Variants in RAB38 observed in about 807,000 individuals in gnomAD.
RAB38 encodes RAB38, member RAS oncogene family.
In RAB38, 15 loss-of-function variants were observed where a neutral mutation model predicts 18.4. The observed-to-expected ratio is 0.82, with a 90% CI of 0.55 to 1.26. The LOEUF (loss-of-function observed/expected upper bound fraction) is 1.26, where lower values mean the gene tolerates loss of function less well. Ranked by LOEUF, RAB38 falls within the 50% of genes most tolerant of loss-of-function variation. The pLI is 0.00. For missense variants in RAB38, 294 were observed against 267.4 expected (o/e 1.10, Z -0.69); for synonymous variants, 101 against 104.4 (o/e 0.97, Z 0.20).
the RAB38 span, among the ~76,000 whole-genome samples, chr11:87,825,165 AT>A: frequency 6.6e-6 from 1 of 152,162 alleles, no homozygotes; most frequent in African/African-American, 2.4e-5. Context: ...CAGTTAAATT[AT>A]ATAGTAAAAT....
At chr11:88,099,700 C>A in the RAB38 span, among the ~76,000 whole-genome samples, 15 of 151,798 alleles carry the variant, frequency 9.9e-5, no homozygotes, top group African/African-American at 3.1e-4. Flanking sequence ...ACCTCCAACA[C>A]CAGTGATATT....
chr11:88,079,155 T>C, the RAB38 span, among the ~76,000 whole-genome samples: 2 of 151,848 alleles, frequency 1.3e-5, no homozygotes, highest in Admixed American at 1.3e-4. Context: ...GACCAAAACT[T>C]CTTTGAAAAT....
the RAB38 span, among the ~76,000 whole-genome samples, chr11:88,070,427 C>A: frequency 6.6e-5 from 10 of 152,224 alleles, no homozygotes; most frequent in African/African-American, 2.4e-4. Flanking sequence ...CCGCGAGGGT[C>A]CGCGGCTTCA....
At chr11:88,048,539 C>G in the RAB38 span, among the ~76,000 whole-genome samples, 1 of 152,166 alleles carries the variant, frequency 6.6e-6, no homozygotes, top group African/African-American at 2.4e-5. Flanking sequence ...TCTCATAATT[C>G]AGGCCTGTCC....
the RAB38 span, among the ~76,000 whole-genome samples, chr11:87,836,408 T>G: frequency 1.3e-5 from 2 of 152,202 alleles, no homozygotes; most frequent in African/African-American, 4.8e-5. Flanking sequence ...TAATAATTTC[T>G]GATTCACCTT....
At chr11:87,974,454 G>A in the RAB38 span, among the ~76,000 whole-genome samples, 1 of 151,586 alleles carries the variant, frequency 6.6e-6, no homozygotes, top group Non-Finnish European at 1.5e-5. Flanking sequence ...GGCAAAATAA[G>A]ACTTTTTAGA....
chr11:87,954,546 A>G, the RAB38 span, among the ~76,000 whole-genome samples: 4 of 151,742 alleles, frequency 2.6e-5, no homozygotes, highest in Admixed American at 2.6e-4. Context: ...TAGAGAAGGA[A>G]CAGCCTTGTT....
chr11:87,945,049 C>T, the RAB38 span, among the ~76,000 whole-genome samples: 10 of 152,110 alleles, frequency 6.6e-5, no homozygotes, highest in Non-Finnish European at 1.3e-4. Flanking sequence ...AAGAGAGTTA[C>T]AAGGTATCTT....
At chr11:88,046,236 T>C in the RAB38 span, among the ~76,000 whole-genome samples, 2 of 152,184 alleles carry the variant, frequency 1.3e-5, no homozygotes, top group African/African-American at 2.4e-5. Context: ...TGCTACAGCA[T>C]GGTCTTTTAC....
At chr11:88,149,620 C>G in intron 2 of RAB38, 55 bp downstream of exon 2, 2 of 1,528,700 alleles carry the variant, frequency 1.3e-6, no homozygotes, top group Non-Finnish European at 1.8e-6. Flanking sequence ...TGATTATGTG[C>G]CATTTTCTTT....
At chr11:87,825,024 G>A in the RAB38 span, among the ~76,000 whole-genome samples, 1,638 of 152,116 alleles carry the variant, frequency 0.011, 34 homozygotes, top group African/African-American at 0.037. Flanking sequence ...GTGTGTGTGT[G>A]TGAGAGAGAG....
At chr11:88,027,561 G>T in the RAB38 span, among the ~76,000 whole-genome samples, 19 of 152,366 alleles carry the variant, frequency 1.2e-4, no homozygotes, top group Non-Finnish European at 1.6e-4. Flanking sequence ...CGGCGCACCA[G>T]GAGATTATAT....
At chr11:88,012,335 T>C in the RAB38 span, among the ~76,000 whole-genome samples, 1 of 151,958 alleles carries the variant, frequency 6.6e-6, no homozygotes, top group African/African-American at 2.4e-5. Flanking sequence ...TGTCAGGACA[T>C]AAGGCCAGCA....
chr11:87,976,241 C>T, the RAB38 span, among the ~76,000 whole-genome samples: 2 of 138,942 alleles, frequency 1.4e-5, no homozygotes, highest in Admixed American at 7.6e-5. Context: ...ATATATACAC[C>T]TTCATATATG....
the RAB38 span, among the ~76,000 whole-genome samples, chr11:87,907,368 C>A: frequency 6.6e-6 from 1 of 151,664 alleles, no homozygotes; most frequent in Non-Finnish European, 1.5e-5. Flanking sequence ...TAAATATTTG[C>A]CCCTTTCCTA....
At chr11:87,836,408 T>C in the RAB38 span, among the ~76,000 whole-genome samples, 8 of 152,202 alleles carry the variant, frequency 5.3e-5, no homozygotes, top group Non-Finnish European at 7.3e-5. Context: ...TAATAATTTC[T>C]GATTCACCTT....
At chr11:87,961,530 A>G in the RAB38 span, among the ~76,000 whole-genome samples, 2 of 152,268 alleles carry the variant, frequency 1.3e-5, no homozygotes, top group East Asian at 1.9e-4. Flanking sequence ...CAGGATCTCA[A>G]TAAACCCATC....
At chr11:87,838,136 A>G in the RAB38 span, among the ~76,000 whole-genome samples, 1 of 150,176 alleles carries the variant, frequency 6.7e-6, no homozygotes, top group East Asian at 1.9e-4. Flanking sequence ...TTTTTTTGAG[A>G]TGGAGTCTCG....
the RAB38 span, among the ~76,000 whole-genome samples, chr11:88,004,223 C>G: frequency 1.3e-5 from 2 of 150,242 alleles, no homozygotes; most frequent in African/African-American, 4.9e-5. Flanking sequence ...TTCGTGAATA[C>G]AGATTTAAAA....
Sources: gnomAD v4.1 joint callset for allele counts (sites outside exome capture counted in the v4.1 genomes callset) on GRCh38, gnomAD v4.1.1 for gene constraint, MANE v1.5 for transcripts, NCBI Gene and HGNC (gene_info 2026-07-23, HGNC 2026-07-21) for gene names.